Variants in ZNF385D observed in about 807,000 individuals in gnomAD.
The protein encoded by ZNF385D is zinc finger protein 385D.
A neutral mutation model predicts 35.8 loss-of-function variants in ZNF385D; 15 were observed. That is an observed-to-expected ratio of 0.42 (90% CI 0.28 to 0.64). ZNF385D has a LOEUF of 0.64. ZNF385D is among the 30% of genes least tolerant of loss of function. The pLI, the probability that ZNF385D is intolerant of heterozygous loss-of-function variation, is 0.23. For missense variants in ZNF385D, 474 were observed against 494.6 expected (o/e 0.96, Z 0.39); for synonymous variants, 212 against 186.8 (o/e 1.13, Z -1.10).
intron 2 of ZNF385D, among the ~76,000 whole-genome samples, chr3:22,193,845 A>G (rs576511774): frequency 1.3e-5 from 2 of 152,120 alleles, no homozygotes; most frequent in South Asian, 4.1e-4. Flanking sequence ...TTTTTCATCT[A>G]TATTTTTAAA....
At chr3:22,155,936 G>C (rs1355492941) in intron 3 of ZNF385D, among the ~76,000 whole-genome samples, 1 of 152,018 alleles carries the variant, frequency 6.6e-6, no homozygotes, top group Non-Finnish European at 1.5e-5. Context: ...AGATACCCCA[G>C]GGTAAAAATC....
intron 2 of ZNF385D, among the ~76,000 whole-genome samples, chr3:22,352,778 A>G (rs1240794913): frequency 2.0e-5 from 3 of 152,204 alleles, no homozygotes; most frequent in Non-Finnish European, 2.9e-5. Flanking sequence ...ACAAACAACT[A>G]TTACGTGTTT....
In ZNF385D at chr3:21,487,685, G is replaced by C. The variant is rs549415244; in HGVS notation, c.439+23176C>G. On this transcript the variant is annotated intron_variant, in intron 4 of 7. Coordinates refer to ENST00000281523, the MANE Select transcript of ZNF385D (RefSeq NM_024697.3). ...CAACCTTCCCTAACAGAAGCAACAT[G>C]CTTAGCACTCAGGATCAGTCCTCTG... Among the ~76,000 whole-genome samples, 7 of 152,138 alleles carry C rather than the reference G, an allele frequency of 4.6e-5. No individual in the cohort carries two copies. The South Asian group carries it at 1.2e-3, about 27-fold the overall frequency.
At chr3:21,886,066 T>C (rs893831076) in intron 3 of ZNF385D, among the ~76,000 whole-genome samples, 1 of 152,162 alleles carries the variant, frequency 6.6e-6, no homozygotes, top group Non-Finnish European at 1.5e-5. Flanking sequence ...TATCTGGGCA[T>C]GATGGCCCAG....
chr3:22,084,273 A>G (rs1700913241), intron 3 of ZNF385D, among the ~76,000 whole-genome samples: 1 of 152,242 alleles, frequency 6.6e-6, no homozygotes, highest in Non-Finnish European at 1.5e-5. Flanking sequence ...CTCAATTAAA[A>G]GACACAGACT....
chr3:22,350,128 A>C (rs533957710), intron 2 of ZNF385D, among the ~76,000 whole-genome samples: 4 of 152,292 alleles, frequency 2.6e-5, no homozygotes, highest in African/African-American at 9.6e-5. Context: ...TGTCCAATAC[A>C]ATACTGCTTC....
intron 3 of ZNF385D, among the ~76,000 whole-genome samples, chr3:21,761,784 G>C: frequency 6.7e-6 from 1 of 149,562 alleles, no homozygotes; most frequent in East Asian, 2.0e-4. Context: ...CTTTTTTCAG[G>C]TATTACCCAA....
exon 3 of ZNF385D, chr3:22,169,008 C>G: frequency 1.0e-6 from 1 of 985,846 alleles, no homozygotes; most frequent in Non-Finnish European, 1.2e-6. Context: ...TTCAGCCTCA[C>G]TCTCGCCATC....
Position 21,819,709 on chromosome 3 carries a change from C to T in ZNF385D, c.326-154681G>A, listed in dbSNP as rs150839465. Among the ~76,000 whole-genome samples the T allele has an allele frequency of 5.4e-3, 768 of 141,678 alleles. 11 individuals carry two copies. Among genetic ancestry groups the T allele is most frequent in the African/African-American group, 0.018 (714 of 38,794 alleles). The allele number at this position is 141,678 out of a possible 152,430, so 92.9% of individuals were successfully genotyped here. On this transcript the variant is annotated intron_variant, in intron 3 of 5. Transcript: ENST00000494108. ...ATGTGTACGTGTGTATATATATACA[C>T]GTATATATATACACATGTACGTGTG... is the stretch of plus-strand genomic sequence containing the variant.
intron 3 of ZNF385D, among the ~76,000 whole-genome samples, chr3:22,030,281 A>ATGTATG (rs923191103): frequency 1.9e-5 from 2 of 103,990 alleles, no homozygotes; most frequent in African/African-American, 8.9e-5. Flanking sequence ...ATATATATAT[A>ATGTATG]TATATATATA....
intron 3 of ZNF385D, among the ~76,000 whole-genome samples, chr3:21,930,745 T>C (rs773503858): frequency 1.3e-5 from 2 of 152,096 alleles, no homozygotes; most frequent in African/African-American, 2.4e-5. Flanking sequence ...TCCCAACAAA[T>C]TGTGCTAATA....
intron 2 of ZNF385D, among the ~76,000 whole-genome samples, chr3:22,297,693 A>C (rs573471364): frequency 1.3e-5 from 2 of 152,166 alleles, no homozygotes; most frequent in South Asian, 2.1e-4. Context: ...ATAATAAACA[A>C]AGCAAATACA....
chr3:22,190,275 G>T (rs1201265232), intron 2 of ZNF385D, among the ~76,000 whole-genome samples: 2 of 152,092 alleles, frequency 1.3e-5, no homozygotes, highest in African/African-American at 2.4e-5. Flanking sequence ...TCCATGATAT[G>T]GTATATCCTC....
chr3:21,667,289 G>A (rs140013428), intron 1 of ZNF385D, among the ~76,000 whole-genome samples: 580 of 152,174 alleles, frequency 3.8e-3, no homozygotes, highest in Non-Finnish European at 6.6e-3. Context: ...AGCCTCCCAA[G>A]TGGCTGGGAC....
In ZNF385D at chr3:21,745,478, T is replaced by C. The variant is rs1003095537; in HGVS notation, c.22+5417A>G. On this transcript the variant is annotated intron_variant, in intron 1 of 7. Transcript: ENST00000281523. ...AGCTGCTTCATAACGATTTTAACGC[T>C]GCGACAGAGCAAAGCATCTTCCTAT... 1.2e-4 allele frequency among the ~76,000 whole-genome samples: 19 copies of C among 152,298 alleles called. 2 individuals are homozygous for C. The highest frequency in any genetic ancestry group is 3.9e-4 in the Admixed American group (6 of 15,306).
At chr3:21,742,513 G>A (rs6790809) in intron 1 of ZNF385D, among the ~76,000 whole-genome samples, 43,489 of 152,138 alleles carry the variant, frequency 0.29, 6,945 homozygotes, top group African/African-American at 0.41. Flanking sequence ...AGAGGCTAAA[G>A]CCTGCAGGAT....
intron 3 of ZNF385D, among the ~76,000 whole-genome samples, chr3:22,144,469 G>T (rs924414114): frequency 6.6e-6 from 1 of 150,950 alleles, no homozygotes; most frequent in Non-Finnish European, 1.5e-5. Context: ...AGCTACTGCG[G>T]AGGCTAAGGC....
chr3:21,781,330 T>C (rs779171885), intron 3 of ZNF385D, among the ~76,000 whole-genome samples: 1 of 152,046 alleles, frequency 6.6e-6, no homozygotes, highest in African/African-American at 2.4e-5. Context: ...ATGTAGGACC[T>C]TCCATACCCT....
chr3:21,882,463 T>C (rs540908230), intron 3 of ZNF385D, among the ~76,000 whole-genome samples: 3 of 152,144 alleles, frequency 2.0e-5, no homozygotes, highest in Admixed American at 6.6e-5. Flanking sequence ...GCAAACTTAA[T>C]AGACTATAGT....
Sources: allele counts gnomAD v4.1 joint callset (sites outside exome capture counted in the v4.1 genomes callset), GRCh38; gene constraint gnomAD v4.1.1; transcripts MANE v1.5; gene names NCBI Gene and HGNC (gene_info 2026-07-23, HGNC 2026-07-21).